KDM1B: variants seen among roughly 807,000 people sequenced by gnomAD.
KDM1B encodes lysine-specific histone demethylase 2.
Under a neutral mutation model 107.4 loss-of-function variants are expected in KDM1B, and 63 were observed. The observed-to-expected ratio is 0.59, with a 90% confidence interval of 0.48 to 0.72. The LOEUF (loss-of-function observed/expected upper bound fraction) is 0.72. Among genes scored for constraint, KDM1B ranks in the 30% least tolerant of loss-of-function variants. KDM1B has a pLI of 0.00. For missense variants in KDM1B, 749 were observed against 1,020.8 expected (o/e 0.73, Z 3.63); for synonymous variants, 363 against 363.9 (o/e 1.00, Z 0.03).
At chr6:18,165,640 T>C (rs1295988174) in intron 5 of KDM1B, among the ~76,000 whole-genome samples, 7 of 151,992 alleles carry the variant, frequency 4.6e-5, no homozygotes, top group Non-Finnish European at 7.4e-5. Flanking sequence ...CTGGCCAACA[T>C]GACGAAACCC....
rs1789831718 is a variant in KDM1B, at chr6:18,222,463, A to G, written c.*471A>G. ...GAGCCTTAATTTTTATATAGGTCCA[A>G]TATTGAGCTTTTACTTAAAATTTAG... On this transcript the variant is annotated 3_prime_UTR_variant, in exon 22 of 22. Transcript: ENST00000650836. 9.1e-6 allele frequency: 2 copies of G among 218,700 alleles called. No homozygotes were observed. The highest frequency in any genetic ancestry group is 1.2e-4 in the South Asian group (2 of 16,052). 13.5% of individuals were successfully genotyped at this position (218,700 alleles called of 1,614,324 possible).
intron 17 of KDM1B, among the ~76,000 whole-genome samples, chr6:18,208,785 C>CA (rs1382806201): frequency 2.7e-4 from 40 of 147,462 alleles, no homozygotes; most frequent in African/African-American, 9.9e-4. Flanking sequence ...GCTGGGACTA[C>CA]AGGCACCCGC....
At chr6:18,221,381 A>G (rs1456715676) in intron 21 of KDM1B, among the ~76,000 whole-genome samples, 1 of 152,126 alleles carries the variant, frequency 6.6e-6, no homozygotes, top group Non-Finnish European at 1.5e-5. Flanking sequence ...CACCATAGCC[A>G]TTCCTTGAGT....
rs1220461583 is a variant in KDM1B, at chr6:18,172,777, C to T, written c.534+1298C>T. Among the ~76,000 whole-genome samples, 1 of 151,802 alleles carries T rather than the reference C, an allele frequency of 6.6e-6. No homozygotes were observed. The highest frequency in any genetic ancestry group is 1.5e-5 in the Non-Finnish European group (1 of 67,980). ...GTTTATTTTCTGTGCCTGGCCTATTCGTTTCTTATGAATAAAAACATATTA... is the reference window on the plus strand; with the variant it reads ...GTTTATTTTCTGTGCCTGGCCTATTTGTTTCTTATGAATAAAAACATATTA... On this transcript the variant is annotated intron_variant, in intron 7 of 21. Transcript: ENST00000650836. This position sits in a 1 kb window ranked among gnomAD's most constrained non-coding sequence, Gnocchi z 5.2.
Position 18,201,150 on chromosome 6 carries a change from T to C in KDM1B, c.1360-336T>C, listed in dbSNP as rs1213701342. 6.6e-6 allele frequency among the ~76,000 whole-genome samples: 1 copy of C among 152,190 alleles called. No individual in the cohort carries two copies. Among genetic ancestry groups the C allele is most frequent in the African/African-American group, 2.4e-5 (1 of 41,460 alleles). ...CTATGAGTGTTTGTGTGTTTGTGTG[T>C]TCATTTACATGAGGGTCCACAGAGG... is the stretch of plus-strand genomic sequence containing the variant. On this transcript the variant is annotated intron_variant, in intron 13 of 21. Transcript: ENST00000650836. This position sits in a 1 kb window ranked among gnomAD's most constrained non-coding sequence, Gnocchi z 4.3.
rs574431968 is a variant in KDM1B at position 18,200,022 on chromosome 6, G to A, written c.1222-417G>A. Among the ~76,000 whole-genome samples the A allele has an allele frequency of 3.3e-5, 5 of 152,262 alleles. No individual in the cohort carries two copies. In the South Asian group the frequency reaches 1.0e-3, roughly 32 times the overall value. ...GCCACCTGAATAGCTGGGATTACAGGTGCATGCCACCACACCCGACTATGT... is the reference window on the plus strand; with the variant it reads ...GCCACCTGAATAGCTGGGATTACAGATGCATGCCACCACACCCGACTATGT... On this transcript the variant is annotated intron_variant, in intron 12 of 21. Transcript: ENST00000650836. The surrounding 1 kb of genome is among the most constrained non-coding windows in gnomAD (Gnocchi z 4.3).
chr6:18,179,718 T>C (rs1304209173), intron 7 of KDM1B, among the ~76,000 whole-genome samples: 1 of 152,084 alleles, frequency 6.6e-6, no homozygotes, highest in Non-Finnish European at 1.5e-5. Context: ...TGTCTCGGTA[T>C]CCTTTCTTTT....
intron 20 of KDM1B, among the ~76,000 whole-genome samples, 194 bp from the exon 21 acceptor site, chr6:18,217,539 T>C (rs570646114): frequency 4.5e-4 from 69 of 152,098 alleles, no homozygotes; most frequent in African/African-American, 1.1e-3. Context: ...CCATCATGCC[T>C]GGCTAATTTT....
Position 18,212,708 on chromosome 6 carries a change from A to C in KDM1B, c.1983+104A>C. On this transcript the variant is annotated intron_variant, in intron 18 of 21. Transcript: ENST00000650836. The surrounding 1 kb of genome is among the most constrained non-coding windows in gnomAD (Gnocchi z 5.2). ...AGTGGGTACTATCTAAATACAAATA[A>C]AACTCAAGGATTTCCTTTTCATTTG... The C allele has an allele frequency of 1.3e-6, 1 of 760,522 alleles. No individual in the cohort carries two copies. Among genetic ancestry groups the C allele is most frequent in the East Asian group, 2.5e-5 (1 of 40,488 alleles). 47.1% of individuals were successfully genotyped at this position (760,522 alleles called of 1,614,324 possible).
intron 7 of KDM1B, among the ~76,000 whole-genome samples, chr6:18,185,554 G>A (rs546573805): frequency 4.6e-5 from 7 of 152,138 alleles, no homozygotes; most frequent in African/African-American, 1.7e-4. Flanking sequence ...CACCCACCTT[G>A]ACCTCCCAAA....
In KDM1B at chr6:18,203,815, T is replaced by A. The variant is rs2150986258; in HGVS notation, c.1532-1722T>A. ...TTGCAGTGAGACAAGATCAGGCCAT[T>A]GCACTTCAGTCTTGATGACAAGCGA... On this transcript the variant is annotated intron_variant, in intron 14 of 21. Transcript: ENST00000650836. This position sits in a 1 kb window ranked among gnomAD's most constrained non-coding sequence, Gnocchi z 5.5. Among the ~76,000 whole-genome samples the A allele has an allele frequency of 1.3e-5, 2 of 149,506 alleles. No individual in the cohort carries two copies. The highest frequency in any genetic ancestry group is 4.3e-4 in the South Asian group (2 of 4,680).
intron 15 of KDM1B, among the ~76,000 whole-genome samples, chr6:18,206,955 G>T (rs1178279966): frequency 6.6e-6 from 1 of 152,136 alleles, no homozygotes; most frequent in Admixed American, 6.5e-5. Context: ...TGATTTCAGA[G>T]GCCCCTTTGG....
In KDM1B at chr6:18,191,115, T is replaced by C; in HGVS notation, c.785-82T>C. On this transcript the variant is annotated intron_variant, in intron 9 of 21. Coordinates refer to ENST00000650836, the MANE Select transcript of KDM1B (RefSeq NM_001364614.2). This position sits in a 1 kb window ranked among gnomAD's most constrained non-coding sequence, Gnocchi z 5.1. ...AGAGTGGAGCTTGTCTAGGCTTACT[T>C]TTTGGTTTGCTTTTGCCCTTTAATT... is the stretch of plus-strand genomic sequence containing the variant. The C allele has an allele frequency of 7.9e-7, 1 of 1,262,978 alleles. No homozygotes were observed. The highest frequency in any genetic ancestry group is 1.1e-6 in the Non-Finnish European group (1 of 907,614). The allele number at this position is 1,262,978 out of a possible 1,614,324, so 78.2% of individuals were successfully genotyped here.
intron 7 of KDM1B, among the ~76,000 whole-genome samples, chr6:18,180,690 C>T (rs1457610903): frequency 6.6e-6 from 1 of 152,234 alleles, no homozygotes; most frequent in Non-Finnish European, 1.5e-5. Flanking sequence ...GTCAGCCTCC[C>T]GAGTAGCTGG....
intron 7 of KDM1B, among the ~76,000 whole-genome samples, chr6:18,183,057 A>C (rs1786584039): frequency 6.6e-6 from 1 of 152,144 alleles, no homozygotes; most frequent in Non-Finnish European, 1.5e-5. Context: ...TTTAATGTGA[A>C]ATAAGTTATA....
Position 18,209,471 on chromosome 6 carries a change from T to C in KDM1B, c.1866+1265T>C, listed in dbSNP as rs28671323. ...TAGTCGGGGCAGGGGATCCTAACATTATTCCTGCCATTAACCAACTCGGAG... is the reference window on the plus strand; with the variant it reads ...TAGTCGGGGCAGGGGATCCTAACATCATTCCTGCCATTAACCAACTCGGAG... On this transcript the variant is annotated intron_variant, in intron 17 of 21. Coordinates refer to ENST00000650836, the MANE Select transcript of KDM1B (RefSeq NM_001364614.2). The surrounding 1 kb of genome is among the most constrained non-coding windows in gnomAD (Gnocchi z 4.3). 0.11 allele frequency among the ~76,000 whole-genome samples: 16,389 copies of C among 152,222 alleles called. 2,946 individuals carry two copies. Among genetic ancestry groups the C allele is most frequent in the African/African-American group, 0.37 (15,475 of 41,492 alleles).
chr6:18,208,806 G>A (rs1446943130), intron 17 of KDM1B, among the ~76,000 whole-genome samples: 3 of 128,300 alleles, frequency 2.3e-5, no homozygotes, highest in Non-Finnish European at 4.9e-5. Context: ...CATCACGCCT[G>A]GCTAATTTTT....
Position 18,155,474 on chromosome 6 carries a change from T to TCGCGGCGCGGCTGCAGCCGTCCTGTGCG in KDM1B, c.-145_-118dup, listed in dbSNP as rs947490110. 1.3e-5 allele frequency: 2 copies of TCGCGGCGCGGCTGCAGCCGTCCTGTGCG among 156,208 alleles called. No homozygotes were observed. The highest frequency in any genetic ancestry group is 2.4e-5 in the African/African-American group (1 of 41,318). 9.7% of individuals were successfully genotyped at this position (156,208 alleles called of 1,614,324 possible). A position where few individuals can be genotyped will look rare whatever the true frequency, so the allele number is the denominator to read the frequency against. ...GCGGCGGCCGAGAAGAGGCTGGGGC[T>TCGCGGCGCGGCTGCAGCCGTCCTGTGCG]CGCGGCGCGGCTGCAGCCGTCCTGT... On this transcript the variant is annotated 5_prime_UTR_variant, in exon 1 of 22. Coordinates refer to ENST00000650836, the MANE Select transcript of KDM1B (RefSeq NM_001364614.2). This position sits in a 1 kb window ranked among gnomAD's most constrained non-coding sequence, Gnocchi z 6.2.
intron 10 of KDM1B, among the ~76,000 whole-genome samples, chr6:18,193,291 G>A (rs1402786934): frequency 5.7e-5 from 8 of 140,802 alleles, no homozygotes; most frequent in African/African-American, 2.2e-4. Flanking sequence ...TTTGAAATGT[G>A]TGCTTTCTTT....
Sources: allele counts gnomAD v4.1 joint callset (sites outside exome capture counted in the v4.1 genomes callset), GRCh38; gene constraint gnomAD v4.1.1; non-coding constraint Gnocchi (gnomAD v3.1); transcripts MANE v1.5; gene names NCBI Gene and HGNC (gene_info 2026-07-23, HGNC 2026-07-21).